Variants in KIZ observed in about 807,000 individuals in gnomAD.
KIZ encodes centrosomal protein kizuna.
KIZ carries 68 observed loss-of-function variants against 79.6 expected under a neutral mutation model. That is an observed-to-expected ratio of 0.85 (90% CI 0.70 to 1.05). KIZ has a LOEUF of 1.05. Ranked by LOEUF, KIZ falls within the 50% of genes least tolerant of loss-of-function variation. The probability of loss-of-function intolerance (pLI) is 0.00; values close to 1 mark genes in which losing one functional copy is unlikely to be tolerated. For missense variants in KIZ, 797 were observed against 800.4 expected (o/e 1.00, Z 0.05); for synonymous variants, 280 against 281.8 (o/e 0.99, Z 0.06).
chr20:21,246,601 A>T lies in KIZ; in HGVS notation c.*25A>T. The stretch of plus-strand genomic sequence containing the variant: ...ACGTGCTGTGACATTGGTTTCAAAT[A>T]AAGTCTTTAAACAAACTAAAATCCT... On this transcript the variant is annotated 3_prime_UTR_variant, in exon 13 of 13. Coordinates refer to ENST00000619189, the MANE Select transcript of KIZ (RefSeq NM_018474.6). The T allele has an allele frequency of 7.4e-7, 1 of 1,348,962 alleles. No individual in the cohort carries two copies. The highest frequency in any genetic ancestry group is 1.1e-6 in the Non-Finnish European group (1 of 945,972). The allele number at this position is 1,348,962 out of a possible 1,614,324, so 83.6% of individuals were successfully genotyped here.
intron 6 of KIZ, among the ~76,000 whole-genome samples, chr20:21,173,297 G>T (rs1362074198): frequency 6.6e-6 from 1 of 152,080 alleles, no homozygotes; most frequent in Admixed American, 6.6e-5. Flanking sequence ...CAGCTGGAGG[G>T]CTGGGTGTGG....
At chr20:21,194,975 A>G (rs2035277507) in intron 6 of KIZ, 1 of 152,226 alleles carries the variant, frequency 6.6e-6, no homozygotes, top group Admixed American at 6.5e-5. Context: ...ATAAAAGTAA[A>G]AAATTTAGAA....
rs564389734 is a variant in KIZ, at chr20:21,139,992, A to G, written c.315+3440A>G. ...GGCCATCACCCTAGGTCCAAAGCCA[A>G]TGAATGTTTGTTGTGTGCCTACGAA... On this transcript the variant is annotated intron_variant, in intron 3 of 12. Coordinates refer to ENST00000619189, the MANE Select transcript of KIZ (RefSeq NM_018474.6). Among the ~76,000 whole-genome samples the G allele has an allele frequency of 9.8e-5, 15 of 152,342 alleles. 1 individual carries two copies. In the South Asian group the frequency reaches 1.0e-3, roughly 11 times the overall value.
chr20:21,218,700 C>T (rs1317005166), intron 9 of KIZ: 3 of 152,218 alleles, frequency 2.0e-5, no homozygotes, highest in African/African-American at 7.2e-5. Context: ...GAAACATACA[C>T]ACATGTATGT....
intron 9 of KIZ, among the ~76,000 whole-genome samples, chr20:21,221,132 G>A (rs2036490110): frequency 1.3e-5 from 2 of 152,110 alleles, no homozygotes; most frequent in African/African-American, 4.8e-5. Context: ...ATCTAGATTG[G>A]GAGAGAAAGT....
At chr20:21,161,812 A>C (rs539530106) in intron 4 of KIZ, 59 bp from the exon 5 acceptor site, 2 of 1,219,288 alleles carry the variant, frequency 1.6e-6, no homozygotes, top group Admixed American at 2.6e-5. Context: ...AAAAAAAAAA[A>C]ACCCCACCTA....
At chr20:21,189,025 TAA>T in intron 6 of KIZ, among the ~76,000 whole-genome samples, 1 of 152,050 alleles carries the variant, frequency 6.6e-6, no homozygotes, top group Non-Finnish European at 1.5e-5. Context: ...TATTTTATTT[TAA>T]GAGACGGAGT....
intron 1 of KIZ, among the ~76,000 whole-genome samples, chr20:21,127,870 A>AT (rs2031583037): frequency 6.6e-6 from 1 of 152,182 alleles, no homozygotes. Flanking sequence ...AAGGCCACAG[A>AT]TTTTTTTCTT....
intron 9 of KIZ, among the ~76,000 whole-genome samples, chr20:21,218,743 G>C (rs1435782697): frequency 6.6e-6 from 1 of 152,188 alleles, no homozygotes; most frequent in Non-Finnish European, 1.5e-5. Flanking sequence ...TCCAATGTGG[G>C]CACCAGTTTC....
chr20:21,145,708 A>G (rs181094279), intron 4 of KIZ, 54 bp downstream of exon 4: 2 of 652,724 alleles, frequency 3.1e-6, no homozygotes, highest in East Asian at 3.1e-5. Flanking sequence ...TGGAGTGTTT[A>G]TATCTTGAGA....
intron 7 of KIZ, among the ~76,000 whole-genome samples, chr20:21,210,691 G>A (rs1299183896): frequency 2.0e-5 from 3 of 151,978 alleles, no homozygotes; most frequent in Non-Finnish European, 4.4e-5. Flanking sequence ...CTCTGGAAGG[G>A]TCATCAGAGT....
chr20:21,184,964 G>A lies in KIZ; in HGVS notation c.1353-20527G>A, dbSNP rs137928148. Among the ~76,000 whole-genome samples, 18 of 152,276 alleles carry A rather than the reference G, an allele frequency of 1.2e-4. No homozygotes were observed. In the East Asian group the frequency reaches 3.5e-3, roughly 29 times the overall value. On this transcript the variant is annotated intron_variant, in intron 6 of 12. Transcript: ENST00000619189. ...AAACTGAGGTGGGAGGCTTGCTTGA[G>A]CCCAGGAGTTGGGAAATACAGTGAG... is the stretch of plus-strand genomic sequence containing the variant.
intron 10 of KIZ, 31 bp downstream of exon 10, chr20:21,229,146 G>A (rs778914499): frequency 2.4e-6 from 3 of 1,269,944 alleles, no homozygotes; most frequent in Admixed American, 3.6e-5. Context: ...GTGTCCAGGG[G>A]CCCAGAGTGG....
chr20:21,215,573 C>T lies in KIZ; in HGVS notation c.1613-10C>T, dbSNP rs1332458645. The T allele has an allele frequency of 1.3e-6, 2 of 1,557,204 alleles. No individual in the cohort carries two copies. The highest frequency in any genetic ancestry group is 2.3e-5 in the South Asian group (2 of 86,740). On this transcript the variant is annotated splice_polypyrimidine_tract_variant and intron_variant, in intron 8 of 12. Transcript: ENST00000619189. ...AAATACTTTTTTTTTATTATGCATT[C>T]AATTTTTAGAAGTTTCAAGTGGCTG... is the stretch of plus-strand genomic sequence containing the variant.
At chr20:21,207,772 C>T (rs1381309989) in intron 7 of KIZ, among the ~76,000 whole-genome samples, 3 of 152,012 alleles carry the variant, frequency 2.0e-5, no homozygotes, top group East Asian at 1.9e-4. Flanking sequence ...GGTGCAATCT[C>T]GGCTCGCTGC....
At chr20:21,145,830 G>A (rs1398806929) in intron 4 of KIZ, among the ~76,000 whole-genome samples, 176 bp downstream of exon 4, 1 of 152,102 alleles carries the variant, frequency 6.6e-6, no homozygotes, top group African/African-American at 2.4e-5. Context: ...ATTTAATTAA[G>A]TTTGCTGAAA....
chr20:21,182,794 C>T (rs2034711628), intron 6 of KIZ, among the ~76,000 whole-genome samples: 2 of 147,054 alleles, frequency 1.4e-5, no homozygotes, highest in Admixed American at 6.7e-5. Flanking sequence ...GAGACTGTCC[C>T]CCCACCAAAA....
At chr20:21,217,453 G>C (rs1031886692) in intron 9 of KIZ, among the ~76,000 whole-genome samples, 3 of 152,174 alleles carry the variant, frequency 2.0e-5, no homozygotes, top group South Asian at 2.1e-4. Context: ...CTTTATAATA[G>C]TTCTGTTGGG....
intron 6 of KIZ, among the ~76,000 whole-genome samples, chr20:21,173,178 A>G (rs965916098): frequency 7.3e-5 from 11 of 151,216 alleles, no homozygotes; most frequent in Non-Finnish European, 1.6e-4. Flanking sequence ...TGCTGTTTGG[A>G]TAATATAGCA....
Sources: gnomAD v4.1 joint callset for allele counts (sites outside exome capture counted in the v4.1 genomes callset) on GRCh38, gnomAD v4.1.1 for gene constraint, MANE v1.5 for transcripts, NCBI Gene and HGNC (gene_info 2026-07-23, HGNC 2026-07-21) for gene names.